Variants in SNX29 observed in about 807,000 individuals in gnomAD.
SNX29 encodes the protein sorting nexin 29.
Under a neutral mutation model 102.1 loss-of-function variants are expected in SNX29, and 78 were observed. The ratio of observed to expected loss-of-function variants is 0.76; its 90% CI spans 0.64 to 0.92. The LOEUF (loss-of-function observed/expected upper bound fraction) is 0.92. Among genes scored for constraint, SNX29 ranks in the 40% least tolerant of loss-of-function variants. SNX29 has a pLI of 0.00. For missense variants in SNX29, 1,280 were observed against 1,061.7 expected (o/e 1.21, Z -2.86); for synonymous variants, 580 against 414.5 (o/e 1.40, Z -4.85).
chr16:12,460,241 G>A (rs988410614), intron 18 of SNX29, among the ~76,000 whole-genome samples: 9 of 152,202 alleles, frequency 5.9e-5, no homozygotes, highest in African/African-American at 1.2e-4. Flanking sequence ...GGCCTAGTGC[G>A]GCTGAAACTT....
At chr16:12,257,553 G>T (rs1246057335) in intron 14 of SNX29, among the ~76,000 whole-genome samples, 1 of 151,970 alleles carries the variant, frequency 6.6e-6, no homozygotes, top group Non-Finnish European at 1.5e-5. Flanking sequence ...CTGCCATCCA[G>T]CCTGGAGTGC....
At chr16:12,173,625 C>G (rs1171089579) in intron 13 of SNX29, among the ~76,000 whole-genome samples, 2 of 152,142 alleles carry the variant, frequency 1.3e-5, no homozygotes, top group East Asian at 3.8e-4. Context: ...ATCTGTTAAC[C>G]AGGAGCCAAA....
intron 13 of SNX29, among the ~76,000 whole-genome samples, chr16:12,137,515 T>C (rs61021038): frequency 0.058 from 8,785 of 152,228 alleles, 366 homozygotes; most frequent in East Asian, 0.17. Context: ...GCATGTGAGA[T>C]TGAGAACTGT....
intron 15 of SNX29, among the ~76,000 whole-genome samples, chr16:12,352,467 G>A (rs1253319334): frequency 2.0e-5 from 3 of 152,086 alleles, no homozygotes; most frequent in South Asian, 4.1e-4. Context: ...GTATACATAC[G>A]TAACAAACCT....
chr16:12,203,895 A>G (rs1425667338), intron 14 of SNX29, among the ~76,000 whole-genome samples: 1 of 152,176 alleles, frequency 6.6e-6, no homozygotes, highest in Non-Finnish European at 1.5e-5. Flanking sequence ...GGTAGTGAAC[A>G]TCTGTGTCCT....
chr16:12,468,126 T>C (rs975140108), intron 18 of SNX29, among the ~76,000 whole-genome samples: 4 of 150,728 alleles, frequency 2.7e-5, no homozygotes, highest in African/African-American at 9.8e-5. Context: ...CCCTGCCCTT[T>C]GCCCTACAGC....
At chr16:12,018,020 C>G (rs895115044) in intron 3 of SNX29, among the ~76,000 whole-genome samples, 9 of 152,102 alleles carry the variant, frequency 5.9e-5, no homozygotes, top group South Asian at 2.1e-4. Flanking sequence ...ATTCTCCTGC[C>G]TCAGCCTCCC....
chr16:12,068,330 A>G (rs937615566), intron 9 of SNX29, among the ~76,000 whole-genome samples: 10 of 151,946 alleles, frequency 6.6e-5, no homozygotes, highest in Non-Finnish European at 1.5e-5. Flanking sequence ...AAAATAAAAA[A>G]TAAATTAGCT....
At chr16:12,106,544 C>T (rs373979285) in intron 11 of SNX29, among the ~76,000 whole-genome samples, 1 of 150,188 alleles carries the variant, frequency 6.7e-6, no homozygotes, top group South Asian at 2.1e-4. Flanking sequence ...AATGATGATA[C>T]CTTATGGCAG....
At position 12,125,605 on chromosome 16, in the gene SNX29, CTTTTTTTTTTTTTTTT is replaced by C. The variant is rs36212472; in HGVS notation, c.1403-1007_1403-992del. On this transcript the variant is annotated intron_variant, in intron 11 of 20. Transcript: ENST00000566228. ...AGGGGGGCTTGTGGCTGAGATCTCTCTTTTTTTTTTTTTTTTTTTTTTTTTTTTTTTTTTTTGAGAT... is the reference window on the plus strand; with the variant it reads ...AGGGGGGCTTGTGGCTGAGATCTCTCTTTTTTTTTTTTTTTTTTTTGAGAT... 4.8e-3 allele frequency among the ~76,000 whole-genome samples: 217 copies of C among 45,436 alleles called. 1 individual carries two copies. The highest frequency in any genetic ancestry group is 6.9e-3 in the Non-Finnish European group (167 of 24,206). The allele number at this position is 45,436 out of a possible 152,430, so 29.8% of individuals were successfully genotyped here.
intron 4 of SNX29, among the ~76,000 whole-genome samples, chr16:12,033,140 C>T (rs2057388647): frequency 6.6e-6 from 1 of 152,162 alleles, no homozygotes; most frequent in Non-Finnish European, 1.5e-5. Flanking sequence ...CAGGTGCGAG[C>T]CACTGTGCCC....
At chr16:12,549,824 C>T (rs1274507492) in intron 20 of SNX29, among the ~76,000 whole-genome samples, 3 of 152,370 alleles carry the variant, frequency 2.0e-5, no homozygotes, top group East Asian at 3.9e-4. Flanking sequence ...CCTGTGTGGC[C>T]AGGCCTTGCC....
chr16:12,307,084 CCTT>C (rs1461327661), intron 15 of SNX29, among the ~76,000 whole-genome samples: 8 of 152,142 alleles, frequency 5.3e-5, no homozygotes, highest in African/African-American at 1.4e-4. Flanking sequence ...ACCTCTGTTT[CCTT>C]CTTCTTAAAC....
At chr16:12,196,305 CA>C (rs1377649804) in intron 13 of SNX29, among the ~76,000 whole-genome samples, 5 of 152,260 alleles carry the variant, frequency 3.3e-5, no homozygotes, top group African/African-American at 1.2e-4. Flanking sequence ...AGAAAAATGG[CA>C]GCAATAATAA....
chr16:12,035,266 C>T (rs1433547249), intron 4 of SNX29, among the ~76,000 whole-genome samples: 1 of 146,568 alleles, frequency 6.8e-6, no homozygotes, highest in East Asian at 2.0e-4. Context: ...GGCTAGAGTG[C>T]AGTGGTGCAA....
intron 14 of SNX29, among the ~76,000 whole-genome samples, chr16:12,275,208 T>A (rs1327570279): frequency 6.6e-6 from 1 of 152,154 alleles, no homozygotes; most frequent in Non-Finnish European, 1.5e-5. Context: ...GTCTCCAAAG[T>A]TTTTTTAGAT....
Position 12,051,912 on chromosome 16 carries a change from G to A in SNX29, c.814G>A (p.Glu272Lys), listed in dbSNP as rs746714003. The A allele has an allele frequency of 1.5e-5, 25 of 1,613,520 alleles. No individual in the cohort carries two copies. Among genetic ancestry groups the A allele is most frequent in the Non-Finnish European group, 1.8e-5 (21 of 1,179,828 alleles). ...KVTNIISFDD[E>K]EDEQNSGDVF... ...GACCAACATAATCTCATTTGATGATGAGGAAGATGAGCAGAACTCTGGGGA... is the reference window on the plus strand; with the variant it reads ...GACCAACATAATCTCATTTGATGATAAGGAAGATGAGCAGAACTCTGGGGA... The change falls in exon 8 of 21, where the codon GAG (glutamate) becomes AAG (lysine). Residue 272 changes from glutamate to lysine, a missense_variant. Physicochemically the swap from Glu to Lys is moderately conservative, Grantham distance 56. Transcript: ENST00000566228.
At chr16:12,564,622 A>T (rs62028257) in intron 20 of SNX29, among the ~76,000 whole-genome samples, 42 of 151,334 alleles carry the variant, frequency 2.8e-4, no homozygotes, top group Middle Eastern at 3.4e-3. Flanking sequence ...ACCTAGTCCC[A>T]GCATTAACAG....
At chr16:12,259,071 G>A (rs111371313) in intron 14 of SNX29, among the ~76,000 whole-genome samples, 4,539 of 152,074 alleles carry the variant, frequency 0.03, 100 homozygotes, top group Admixed American at 0.062. Context: ...TCTCTCTCCT[G>A]CCCTCTGCTT....
Sources: allele counts gnomAD v4.1 joint callset (sites outside exome capture counted in the v4.1 genomes callset), GRCh38; gene constraint gnomAD v4.1.1; transcripts MANE v1.5; gene names NCBI Gene and HGNC (gene_info 2026-07-23, HGNC 2026-07-21).